EFCAB5: variants seen among roughly 807,000 people sequenced by gnomAD.
The protein encoded by EFCAB5 is EF-hand calcium-binding domain-containing protein 5.
A neutral mutation model predicts 167.9 loss-of-function variants in EFCAB5; 131 were observed. The ratio of observed to expected loss-of-function variants is 0.78; its 90% CI spans 0.68 to 0.90. EFCAB5 has a LOEUF of 0.90. Among genes scored for constraint, EFCAB5 ranks in the 40% least tolerant of loss-of-function variants. EFCAB5 has a pLI of 0.00. For missense variants in EFCAB5, 1,663 were observed against 1,745.2 expected, an observed-to-expected ratio of 0.95 and a Z score of 0.84; for synonymous variants, 574 against 602.8, an observed-to-expected ratio of 0.95 and a Z score of 0.70.
chr17:30,070,949 CAAAAAAAAAAAAA>C (rs35019863), intron 14 of EFCAB5, among the ~76,000 whole-genome samples: 2,240 of 60,334 alleles, frequency 0.037, 34 homozygotes, highest in Non-Finnish European at 0.05. Context: ...GATTCCATCT[CAAAAAAAAAAAAA>C]AAAAAAAAAA....
intron 5 of EFCAB5, among the ~76,000 whole-genome samples, chr17:29,994,546 A>G (rs962943170): frequency 1.3e-5 from 2 of 152,170 alleles, no homozygotes; most frequent in East Asian, 1.9e-4. Context: ...GTATTCTAAG[A>G]GGAGACTTCA....
chr17:30,077,373 G>A (rs1330321958), intron 14 of EFCAB5, among the ~76,000 whole-genome samples: 2 of 152,094 alleles, frequency 1.3e-5, no homozygotes, highest in Non-Finnish European at 2.9e-5. Flanking sequence ...GTGCATATGC[G>A]TGTGTGCATG....
chr17:30,034,934 C>G (rs890745472), intron 8 of EFCAB5, among the ~76,000 whole-genome samples: 1 of 152,108 alleles, frequency 6.6e-6, no homozygotes, highest in African/African-American at 2.4e-5. Context: ...TATAAAGGGG[C>G]CCTTATGTGC....
intron 8 of EFCAB5, 52 bp downstream of exon 8, chr17:30,034,437 G>A (rs1479963187): frequency 3.8e-5 from 59 of 1,539,252 alleles, no homozygotes; most frequent in Non-Finnish European, 4.5e-5. Context: ...TGTGGCTCAC[G>A]CCTGTAATCC....
At position 30,053,321 on chromosome 17, in the gene EFCAB5, A is replaced by T. The variant is rs2070153550; in HGVS notation, c.1367A>T (p.His456Leu). 1 of 1,613,912 alleles carries T rather than the reference A, an allele frequency of 6.2e-7. No homozygotes were observed. The highest frequency in any genetic ancestry group is 2.2e-5 in the East Asian group (1 of 44,888). The stretch of plus-strand genomic sequence containing the variant: ...TGGGGAGACATGGATAATCAGAAAC[A>T]CATTTATGAAGGTTTTGACAAAGTG... ...ELWGDMDNQK[H>L]IYEGFDKVLL... The change falls in exon 10 of 23, where the codon CAC (histidine) becomes CTC (leucine). Residue 456 changes from histidine (H) to leucine (L), a missense_variant. Physicochemically the swap from His to Leu is moderately conservative, Grantham distance 99 (BLOSUM62 -3). Coordinates refer to ENST00000394835, the MANE Select transcript of EFCAB5 (RefSeq NM_198529.4).
chr17:30,038,282 A>G (rs2069678466), intron 8 of EFCAB5, among the ~76,000 whole-genome samples: 1 of 152,184 alleles, frequency 6.6e-6, no homozygotes, highest in Non-Finnish European at 1.5e-5. Context: ...CCATTCCAAA[A>G]ATCCTAGCCC....
chr17:30,000,385 G>T (rs2068636349), intron 7 of EFCAB5, among the ~76,000 whole-genome samples: 1 of 152,122 alleles, frequency 6.6e-6, no homozygotes, highest in Admixed American at 6.6e-5. Context: ...ATGCAGAAAG[G>T]TTAAATAACT....
chr17:30,092,706 T>C (rs2071225772), intron 21 of EFCAB5, 134 bp from the exon 22 acceptor site: 1 of 553,144 alleles, frequency 1.8e-6, no homozygotes. Context: ...ACCATCATCT[T>C]CACTTCTAAC....
chr17:30,074,805 C>G (rs1317605167), intron 14 of EFCAB5, among the ~76,000 whole-genome samples: 1 of 152,120 alleles, frequency 6.6e-6, no homozygotes, highest in African/African-American at 2.4e-5. Flanking sequence ...AAGAGATCTT[C>G]CAGGTTGATC....
At chr17:30,068,966 A>G in intron 14 of EFCAB5, 1 of 1,500,140 alleles carries the variant, frequency 6.7e-7, no homozygotes, top group Non-Finnish European at 9.3e-7. Context: ...GCAATTCAAC[A>G]ACTACGAACA....
intron 7 of EFCAB5, among the ~76,000 whole-genome samples, chr17:30,020,751 A>G (rs1253412145): frequency 1.3e-5 from 2 of 152,148 alleles, no homozygotes; most frequent in East Asian, 1.9e-4. Context: ...ATATGAATTC[A>G]TCTTTCATGT....
intron 8 of EFCAB5, among the ~76,000 whole-genome samples, chr17:30,041,371 T>C (rs2069769704): frequency 6.6e-6 from 1 of 152,100 alleles, no homozygotes. Context: ...GTAGACAAAA[T>C]AGCTGCAGAT....
At chr17:30,092,200 C>A in intron 21 of EFCAB5, 43 bp downstream of exon 21, 1 of 1,553,586 alleles carries the variant, frequency 6.4e-7, no homozygotes. Context: ...TGAAGAATCG[C>A]CTAAACAAAT....
intron 6 of EFCAB5, among the ~76,000 whole-genome samples, chr17:29,997,911 A>C (rs2151647334): frequency 6.6e-6 from 1 of 152,008 alleles, no homozygotes; most frequent in Middle Eastern, 3.4e-3. Flanking sequence ...GTTTTCAGAA[A>C]GATTTCCCTA....
chr17:30,085,781 T>C (rs1467674752), intron 18 of EFCAB5, among the ~76,000 whole-genome samples: 5 of 151,024 alleles, frequency 3.3e-5, no homozygotes, highest in Non-Finnish European at 7.4e-5. Flanking sequence ...AGAAGTCCAA[T>C]CGTCAATGTG....
At chr17:29,995,121 T>C (rs1226477698) in intron 5 of EFCAB5, among the ~76,000 whole-genome samples, 2 of 152,210 alleles carry the variant, frequency 1.3e-5, no homozygotes, top group Non-Finnish European at 2.9e-5. Flanking sequence ...CTCATAGTTC[T>C]TCTACCTTAG....
Position 30,057,666 on chromosome 17 carries a change from T to C in EFCAB5, c.2366-10T>C. 1 of 1,607,380 alleles carries C rather than the reference T, an allele frequency of 6.2e-7. No homozygotes were observed. The highest frequency in any genetic ancestry group is 8.5e-7 in the Non-Finnish European group (1 of 1,174,926). On this transcript the variant is annotated splice_polypyrimidine_tract_variant and intron_variant, in intron 12 of 22. Transcript: ENST00000394835. ...CACTTTACTGCTTGGTAATGTTTCT[T>C]GCTTGACAGATTTACACTCAATTAT...
At chr17:29,959,005 GTC>G (rs915242983) in intron 3 of EFCAB5, among the ~76,000 whole-genome samples, 3 of 152,066 alleles carry the variant, frequency 2.0e-5, no homozygotes, top group Admixed American at 6.6e-5. Context: ...AATGGAGTCT[GTC>G]TCTCTCTCTG....
intron 19 of EFCAB5, 112 bp downstream of exon 19, chr17:30,087,278 TTCTTTTTAATTTA>T (rs1194460483): frequency 3.8e-5 from 28 of 742,946 alleles, no homozygotes; most frequent in Non-Finnish European, 3.8e-5. Flanking sequence ...CTTTTATTCT[TTCTTTTTAATTTA>T]ATTTTATTTT....
Sources: allele counts gnomAD v4.1 joint callset (sites outside exome capture counted in the v4.1 genomes callset), GRCh38; gene constraint gnomAD v4.1.1; transcripts MANE v1.5; gene names NCBI Gene and HGNC (gene_info 2026-07-23, HGNC 2026-07-21).